SUMF2: variants seen among roughly 807,000 people sequenced by gnomAD.
SUMF2 encodes inactive C-alpha-formylglycine-generating enzyme 2.
Under a neutral mutation model 44.8 loss-of-function variants are expected in SUMF2, and 45 were observed. The ratio of observed to expected loss-of-function variants is 1.00; its 90% confidence interval spans 0.79 to 1.29. The LOEUF (loss-of-function observed/expected upper bound fraction) is 1.29, where lower values mean the gene tolerates loss of function less well. SUMF2 is among the 50% of genes most tolerant of loss of function. The pLI is 0.00. For missense variants in SUMF2, 418 were observed against 389.9 expected (o/e 1.07, Z -0.61); for synonymous variants, 148 against 150.4 (o/e 0.98, Z 0.12).
downstream of SUMF2, chr7:56,083,207 C>G: frequency 7.2e-7 from 1 of 1,387,538 alleles, no homozygotes; most frequent in Non-Finnish European, 1.0e-6. Context: ...GAAACCCAGA[C>G]CATCTCTATT....
At position 56,080,110 on chromosome 7, in the gene SUMF2, G is replaced by T; in HGVS notation, c.*498G>T. 1.9e-6 allele frequency: 1 copy of T among 531,010 alleles called. No individual in the cohort carries two copies. Among genetic ancestry groups the T allele is most frequent in the Non-Finnish European group, 3.3e-6 (1 of 298,890 alleles). 32.9% of individuals were successfully genotyped at this position (531,010 alleles called of 1,614,324 possible). Reference sequence around the variant, plus strand: ...CCTCTGAAGGAAACTAGTTTCCACTGTGTAACAGGCAGACATGTAACTATT... The same window carrying T: ...CCTCTGAAGGAAACTAGTTTCCACTTTGTAACAGGCAGACATGTAACTATT... On this transcript the variant is annotated 3_prime_UTR_variant, in exon 9 of 9. Transcript: ENST00000434526.
intron 1 of SUMF2, among the ~76,000 whole-genome samples, chr7:56,067,421 C>A (rs1314401374): frequency 6.6e-6 from 1 of 152,190 alleles, no homozygotes; most frequent in East Asian, 1.9e-4. Context: ...CTCAAGCAAT[C>A]CTCCTGCCTT....
At chr7:56,065,520 G>T (rs2117378999) in intron 1 of SUMF2, among the ~76,000 whole-genome samples, 1 of 152,246 alleles carries the variant, frequency 6.6e-6, no homozygotes, top group East Asian at 1.9e-4. Context: ...ACAAAATAAA[G>T]CTCATACATT....
downstream of SUMF2, chr7:56,081,004 T>C (rs1183626054): frequency 2.9e-5 from 46 of 1,602,130 alleles, no homozygotes; most frequent in Non-Finnish European, 3.9e-5. The surrounding 1 kb of genome is among the most constrained non-coding windows in gnomAD (Gnocchi z 4.6). Context: ...TGTATTTCCA[T>C]GGCTTCCCCT....
chr7:56,086,901 TG>T, the SUMF2 span: 1 of 1,207,586 alleles, frequency 8.3e-7, no homozygotes, highest in Non-Finnish European at 1.2e-6. Flanking sequence ...CAGGCAGCCC[TG>T]GGGTTGGGGA....
chr7:56,068,830 G>A (rs1794984455), intron 2 of SUMF2, among the ~76,000 whole-genome samples, 192 bp downstream of exon 2: 1 of 151,428 alleles, frequency 6.6e-6, no homozygotes, highest in Non-Finnish European at 1.5e-5. Context: ...CGCCTGCCGA[G>A]CAGCTGGAAT....
chr7:56,073,514 C>T (rs1584587857), intron 3 of SUMF2: 4 of 293,340 alleles, frequency 1.4e-5, no homozygotes, highest in South Asian at 1.4e-4. Context: ...CATGGTGGCA[C>T]GCTCCTGTAA....
the SUMF2 span, chr7:56,086,970 A>G: frequency 1.9e-6 from 3 of 1,612,024 alleles, no homozygotes; most frequent in Middle Eastern, 1.7e-4. Flanking sequence ...GGGTACTTAC[A>G]GGTCAAACAC....
In SUMF2 at chr7:56,068,538, A is replaced by G; in HGVS notation, c.124A>G (p.Thr42Ala). 6.2e-7 allele frequency: 1 copy of G among 1,613,998 alleles called. No homozygotes were observed. The highest frequency in any genetic ancestry group is 8.5e-7 in the Non-Finnish European group (1 of 1,179,968). Reference sequence around the variant, plus strand: ...GCAGGGTGGGAGATTCCTGATGGGAACAAATTCTCCAGACAGCAGAGATGG... The same window carrying G: ...GCAGGGTGGGAGATTCCTGATGGGAGCAAATTCTCCAGACAGCAGAGATGG... ...QLQGGRFLMG[T>A]NSPDSRDGDG... The change falls in exon 2 of 9, where the codon ACA becomes GCA. Residue 42 changes from threonine to alanine, a missense_variant. Coordinates refer to ENST00000434526, the MANE Select transcript of SUMF2 (RefSeq NM_015411.4).
chr7:56,085,272 T>G (rs918661819), downstream of SUMF2, among the ~76,000 whole-genome samples: 1 of 151,632 alleles, frequency 6.6e-6, no homozygotes, highest in Non-Finnish European at 1.5e-5. Flanking sequence ...TAATTTTATA[T>G]TTTTTTGTAG....
In SUMF2 at chr7:56,074,665, A is replaced by T; in HGVS notation, c.464A>T (p.Tyr155Phe). 1 of 1,614,086 alleles carries T rather than the reference A, an allele frequency of 6.2e-7. No homozygotes were observed. Among genetic ancestry groups the T allele is most frequent in the Non-Finnish European group, 8.5e-7 (1 of 1,180,010 alleles). ...LHVSWNDARAYCAWRGKRLPT... is the reference protein window; with the variant it reads ...LHVSWNDARAFCAWRGKRLPT... Reference sequence around the variant, plus strand: ...GTGAGCTGGAATGACGCCCGTGCCTACTGTGCTTGGCGGGGAAAACGACTG... The same window carrying T: ...GTGAGCTGGAATGACGCCCGTGCCTTCTGTGCTTGGCGGGGAAAACGACTG... The change falls in exon 5 of 9, where the codon TAC becomes TTC. Residue 155 changes from tyrosine (Y) to phenylalanine (F), a missense_variant. Transcript: ENST00000434526.
In SUMF2 at chr7:56,079,707, G is replaced by C. The variant is rs750394818; in HGVS notation, c.*95G>C. On this transcript the variant is annotated 3_prime_UTR_variant, in exon 9 of 9. Coordinates refer to ENST00000434526, the MANE Select transcript of SUMF2 (RefSeq NM_015411.4). ...CGCAATTCCAAGCTCGAGAGCTTCAGCCTCAGGAAAGAACTTCCCCTTCCC... is the reference window on the plus strand; with the variant it reads ...CGCAATTCCAAGCTCGAGAGCTTCACCCTCAGGAAAGAACTTCCCCTTCCC... The C allele has an allele frequency of 1.2e-6, 2 of 1,611,056 alleles. No homozygotes were observed. Among genetic ancestry groups the C allele is most frequent in the East Asian group, 4.5e-5 (2 of 44,796 alleles).
chr7:56,072,334 G>A (rs1795223126), intron 2 of SUMF2, among the ~76,000 whole-genome samples: 1 of 151,658 alleles, frequency 6.6e-6, no homozygotes, highest in Non-Finnish European at 1.5e-5. Flanking sequence ...ACTGAGGCTA[G>A]AGAATCACTT....
downstream of SUMF2, chr7:56,083,864 G>A (rs1796138357): frequency 1.5e-6 from 1 of 659,110 alleles, no homozygotes; most frequent in East Asian, 2.7e-5. Context: ...AGAGGAGCCG[G>A]GGAAGTGAGA....
chr7:56,065,714 A>G (rs1794737998), intron 1 of SUMF2, among the ~76,000 whole-genome samples: 1 of 152,002 alleles, frequency 6.6e-6, no homozygotes, highest in Non-Finnish European at 1.5e-5. Flanking sequence ...CAGTTTCCCA[A>G]AGTGCTGGGA....
chr7:56,065,300 C>T (rs952445812), intron 1 of SUMF2, among the ~76,000 whole-genome samples: 4 of 152,112 alleles, frequency 2.6e-5, no homozygotes, highest in African/African-American at 9.7e-5. Flanking sequence ...CAGTCCTGCT[C>T]CTGCGGAATC....
intron 2 of SUMF2, among the ~76,000 whole-genome samples, chr7:56,070,315 G>T (rs191407810): frequency 6.6e-6 from 1 of 152,120 alleles, no homozygotes; most frequent in Non-Finnish European, 1.5e-5. Context: ...ATCTCTGATG[G>T]TTGTTGTGAG....
chr7:56,074,007 C>T, intron 3 of SUMF2, 167 bp from the exon 4 acceptor site: 1 of 589,078 alleles, frequency 1.7e-6, no homozygotes, highest in Non-Finnish European at 2.9e-6. Context: ...AGAGCAAGAT[C>T]TTGTCTCAAA....
At chr7:56,066,082 C>CAAAAAAAAAAAAAAAAAAAAAAACA (rs71015176) in intron 1 of SUMF2, among the ~76,000 whole-genome samples, 3 of 69,688 alleles carry the variant, frequency 4.3e-5, no homozygotes, top group Admixed American at 1.9e-4. Context: ...CTCCGCCTCA[C>CAAAAAAAAAAAAAAAAAAAAAAACA]AAAAAAAAAA....
Sources: allele counts gnomAD v4.1 joint callset (sites outside exome capture counted in the v4.1 genomes callset), GRCh38; gene constraint gnomAD v4.1.1; non-coding constraint Gnocchi (gnomAD v3.1); transcripts MANE v1.5; gene names NCBI Gene and HGNC (gene_info 2026-07-23, HGNC 2026-07-21).